The following PCDH15 variants were observed in gnomAD, a reference collection of about 807,000 sequenced individuals.
The protein encoded by PCDH15 is protocadherin-15.
PCDH15 carries 129 observed loss-of-function variants against 178.5 expected under a neutral mutation model. That is an observed-to-expected ratio of 0.72 (90% CI 0.63 to 0.84). The LOEUF (loss-of-function observed/expected upper bound fraction) is 0.84, where lower values mean the gene tolerates loss of function less well. PCDH15 is among the 40% of genes least tolerant of loss of function. PCDH15 has a pLI of 0.00. For synonymous variants in PCDH15, 800 were observed against 732.0 expected (o/e 1.09, Z -1.50); for missense variants, 2,230 against 2,099.9 (o/e 1.06, Z -1.21).
Position 53,827,288 on chromosome 10 carries a change from A to C in PCDH15, c.4367+105T>G, listed in dbSNP as rs1044217830. The C allele has an allele frequency of 2.5e-5, 34 of 1,340,802 alleles. No homozygotes were observed. In the East Asian group the frequency reaches 5.8e-4, roughly 23 times the overall value. The allele number at this position is 1,340,802 out of a possible 1,614,324, so 83.1% of individuals were successfully genotyped here. A position where few individuals can be genotyped will look rare whatever the true frequency, so the allele number is the denominator to read the frequency against. Reference sequence around the variant, plus strand: ...CTCTTGAAAATAATAGAATAAAATAAATAGTCCATGTAGGCATTTCCACAT... The same window carrying C: ...CTCTTGAAAATAATAGAATAAAATACATAGTCCATGTAGGCATTTCCACAT... On this transcript the variant is annotated intron_variant, in intron 32 of 37. Transcript: ENST00000644397.
intron 2 of PCDH15, among the ~76,000 whole-genome samples, chr10:54,569,503 G>A (rs1937421): frequency 0.94 from 142,460 of 152,186 alleles, 66,955 homozygotes; most frequent in Middle Eastern, 0.98. Flanking sequence ...TCATTACTAC[G>A]TTAATTTATT....
chr10:54,171,028 T>C (rs1191785529), intron 13 of PCDH15, among the ~76,000 whole-genome samples: 1 of 152,050 alleles, frequency 6.6e-6, no homozygotes, highest in Admixed American at 6.5e-5. Flanking sequence ...TACCTCTTAG[T>C]CTAGGTAGAT....
At chr10:54,602,813 G>C (rs1021856129) in intron 2 of PCDH15, among the ~76,000 whole-genome samples, 1 of 151,948 alleles carries the variant, frequency 6.6e-6, no homozygotes, top group Non-Finnish European at 1.5e-5. Flanking sequence ...CCAGGGATAA[G>C]TCCTAGTTGG....
intron 2 of PCDH15, among the ~76,000 whole-genome samples, chr10:55,429,508 A>T (rs1385921796): frequency 6.6e-6 from 1 of 152,118 alleles, no homozygotes; most frequent in African/African-American, 2.4e-5. Flanking sequence ...TGATGCTTAT[A>T]AGATTTTTAT....
At chr10:54,317,176 G>T in intron 8 of PCDH15, 95 bp downstream of exon 8, 1 of 1,342,954 alleles carries the variant, frequency 7.4e-7, no homozygotes, top group Middle Eastern at 1.9e-4. Flanking sequence ...ACTGAGTTTT[G>T]CTATTATAAA....
intron 23 of PCDH15, among the ~76,000 whole-genome samples, chr10:53,951,001 A>T (rs2086979049): frequency 6.6e-6 from 1 of 152,172 alleles, no homozygotes; most frequent in Admixed American, 6.5e-5. Flanking sequence ...TTATGTTTGT[A>T]TGAAGGACAT....
chr10:54,025,571 T>C (rs1436272165), intron 18 of PCDH15, among the ~76,000 whole-genome samples: 1 of 151,520 alleles, frequency 6.6e-6, no homozygotes, highest in Non-Finnish European at 1.5e-5. Context: ...CGATCTCGGC[T>C]CACTGCAACC....
chr10:54,167,975 C>G (rs1408559843), intron 13 of PCDH15, among the ~76,000 whole-genome samples: 2 of 144,332 alleles, frequency 1.4e-5, no homozygotes, highest in Non-Finnish European at 3.1e-5. Flanking sequence ...TGTTTCCCTA[C>G]TCTCTCTTTT....
At chr10:54,602,566 G>GT (rs753385118) in intron 2 of PCDH15, among the ~76,000 whole-genome samples, 5 of 151,816 alleles carry the variant, frequency 3.3e-5, no homozygotes, top group Non-Finnish European at 7.4e-5. Flanking sequence ...AGGCTTTTGG[G>GT]TTTTCCCCAT....
chr10:55,303,543 T>C (rs372752496), intron 1 of PCDH15, among the ~76,000 whole-genome samples: 8 of 152,206 alleles, frequency 5.3e-5, no homozygotes, highest in African/African-American at 1.9e-4. Context: ...GGTTTTGAAC[T>C]GGCCAGGCAG....
rs1347306483 is a variant in PCDH15 at position 54,099,513 on chromosome 10, A to AAAAAAAATATAT, written c.1918-9451_1918-9450insATATATTTTTTT. Among the ~76,000 whole-genome samples, 460 of 117,682 alleles carry AAAAAAAATATAT rather than the reference A, an allele frequency of 3.9e-3. 1 individual carries two copies. The highest frequency in any genetic ancestry group is 5.0e-3 in the Non-Finnish European group (305 of 61,326). The allele number at this position is 117,682 out of a possible 152,430, so 77.2% of individuals were successfully genotyped here. On this transcript the variant is annotated intron_variant, in intron 15 of 37. Coordinates refer to ENST00000644397, the MANE Select transcript of PCDH15 (RefSeq NM_001384140.1). ...GACTCCATCTCAAAAAAAAAAAAAA[A>AAAAAAAATATAT]ATATATATATATATATATAAAACAA...
At chr10:54,667,645 T>A (rs2094592255) in intron 1 of PCDH15, among the ~76,000 whole-genome samples, 1 of 152,104 alleles carries the variant, frequency 6.6e-6, no homozygotes, top group African/African-American at 2.4e-5. Flanking sequence ...GGTGGTACTT[T>A]ACTTTTACTA....
At chr10:53,848,732 A>T (rs2078141212) in intron 28 of PCDH15, among the ~76,000 whole-genome samples, 1 of 152,042 alleles carries the variant, frequency 6.6e-6, no homozygotes. Flanking sequence ...TTTGAAGCAC[A>T]ATTCAAAGAT....
At chr10:55,582,272 C>T (rs549949532) in intron 2 of PCDH15, among the ~76,000 whole-genome samples, 1 of 152,180 alleles carries the variant, frequency 6.6e-6, no homozygotes, top group African/African-American at 2.4e-5. Flanking sequence ...TAAATAGTGG[C>T]CCTTGCTTGT....
intron 18 of PCDH15, among the ~76,000 whole-genome samples, chr10:54,040,936 G>A (rs558638137): frequency 2.8e-4 from 42 of 152,118 alleles, no homozygotes; most frequent in African/African-American, 9.6e-4. Context: ...GTGGTTGCAG[G>A]TAACTTTTAA....
At chr10:54,774,279 C>T (rs538055988) in intron 1 of PCDH15, among the ~76,000 whole-genome samples, 4 of 151,906 alleles carry the variant, frequency 2.6e-5, no homozygotes, top group Non-Finnish European at 5.9e-5. Context: ...CTGTCTGCCT[C>T]GGCCTCCCAA....
intron 1 of PCDH15, among the ~76,000 whole-genome samples, chr10:55,168,822 A>T (rs955782544): frequency 1.3e-5 from 2 of 152,202 alleles, no homozygotes; most frequent in African/African-American, 4.8e-5. Context: ...CATTTTATCA[A>T]TATAGTTCCA....
chr10:53,929,314 T>C (rs958202982), intron 25 of PCDH15, among the ~76,000 whole-genome samples: 2 of 152,142 alleles, frequency 1.3e-5, no homozygotes, highest in Admixed American at 6.5e-5. Context: ...TTTTGTTTCA[T>C]TGAAAATATA....
chr10:54,282,166 T>G (rs1310440831), intron 8 of PCDH15, among the ~76,000 whole-genome samples: 2 of 152,108 alleles, frequency 1.3e-5, no homozygotes, highest in African/African-American at 4.8e-5. Flanking sequence ...GGTTCTCAGT[T>G]TGGTTTTAAC....
Sources: gnomAD v4.1 joint callset for allele counts (sites outside exome capture counted in the v4.1 genomes callset) on GRCh38, gnomAD v4.1.1 for gene constraint, MANE v1.5 for transcripts, NCBI Gene and HGNC (gene_info 2026-07-23, HGNC 2026-07-21) for gene names.